The following KLHDC4 variants were observed in gnomAD, a reference collection of about 807,000 sequenced individuals.
KLHDC4 encodes kelch domain containing 4, also known as kelch domain-containing protein 4.
A neutral mutation model predicts 62.4 loss-of-function variants in KLHDC4; 90 were observed. The ratio of observed to expected loss-of-function variants is 1.44; its 90% CI spans 1.22 to 1.72. The LOEUF is 1.72. KLHDC4 is among the 40% of genes most tolerant of loss of function. The pLI is 0.00. For missense variants in KLHDC4, 1,025 were observed against 699.7 expected (o/e 1.47, Z -5.25); for synonymous variants, 386 against 284.4 (o/e 1.36, Z -3.59).
At position 87,765,966 on chromosome 16, in the gene KLHDC4, G is replaced by C. The variant is rs1166535836; in HGVS notation, c.-76C>G. 4 of 1,403,638 alleles carry C rather than the reference G, an allele frequency of 2.8e-6. No homozygotes were observed. The highest frequency in any genetic ancestry group is 1.7e-4 in the Middle Eastern group (1 of 5,766). The allele number at this position is 1,403,638 out of a possible 1,614,324, so 86.9% of individuals were successfully genotyped here. A position where few individuals can be genotyped will look rare whatever the true frequency, so the allele number is the denominator to read the frequency against. ...GCTCTCCGCTCGGAAACAGGTGCTC[G>C]TGGGGCGGAGCTCGGCGCACAGAAA... On this transcript the variant is annotated 5_prime_UTR_variant, in exon 1 of 12. Transcript: ENST00000270583.
At chr16:87,765,065 C>G (rs147914202) in intron 1 of KLHDC4, 100 of 454,506 alleles carry the variant, frequency 2.2e-4, no homozygotes, top group African/African-American at 1.5e-3. Flanking sequence ...ACGGAACTGA[C>G]CTGCTCGTGA....
Position 87,711,186 on chromosome 16 carries a change from C to T in KLHDC4, c.1044+49G>A, listed in dbSNP as rs114743882. ...GAGGAAGGCAGTGGTGGCAGGGACC[C>T]AAGTTAGGGCTGCGCACCACGGCGC... On this transcript the variant is annotated intron_variant, in intron 9 of 11. Coordinates refer to ENST00000270583, the MANE Select transcript of KLHDC4 (RefSeq NM_017566.4). 438 of 1,594,562 alleles carry T rather than the reference C, an allele frequency of 2.7e-4. 1 individual carries two copies. In the African/African-American group the frequency reaches 5.5e-3, roughly 20 times the overall value.
At chr16:87,717,824 T>C (rs764354704) in intron 7 of KLHDC4, among the ~76,000 whole-genome samples, 1 of 150,562 alleles carries the variant, frequency 6.6e-6, no homozygotes, top group African/African-American at 2.5e-5. Context: ...CTCTGTCTCC[T>C]TGTAGTACCC....
At chr16:87,708,210 A>G in intron 11 of KLHDC4, 135 bp from the exon 12 acceptor site, 2 of 634,586 alleles carry the variant, frequency 3.2e-6, no homozygotes, top group Non-Finnish European at 2.8e-6. Context: ...GGCACTCATT[A>G]GCAAGCTGCC....
chr16:87,714,663 A>T (rs2036581215), intron 7 of KLHDC4, 90 bp from the exon 8 acceptor site: 1 of 1,359,868 alleles, frequency 7.4e-7, no homozygotes, highest in East Asian at 2.3e-5. Context: ...TTTGGATGGA[A>T]GGGGCTGGAG....
chr16:87,718,167 C>T (rs992103018), intron 7 of KLHDC4, among the ~76,000 whole-genome samples: 5 of 152,216 alleles, frequency 3.3e-5, no homozygotes, highest in African/African-American at 1.2e-4. Context: ...AAGAAAGTAA[C>T]AGACAACGGC....
chr16:87,719,823 C>A (rs1294251300), intron 7 of KLHDC4, among the ~76,000 whole-genome samples: 1 of 152,184 alleles, frequency 6.6e-6, no homozygotes, highest in African/African-American at 2.4e-5. Context: ...GGAGGGTGAG[C>A]GCAACAGGGC....
chr16:87,703,004 A>T (rs2034227182), downstream of KLHDC4: 1 of 152,274 alleles, frequency 6.6e-6, no homozygotes, highest in Admixed American at 6.5e-5. Context: ...CAACACTGTC[A>T]AGATTAAAAA....
chr16:87,744,194 T>A (rs2143018216), intron 5 of KLHDC4, among the ~76,000 whole-genome samples: 1 of 151,996 alleles, frequency 6.6e-6, no homozygotes, highest in Admixed American at 6.6e-5. Flanking sequence ...GGTGGGGGGA[T>A]CACCTGAGGT....
intron 9 of KLHDC4, chr16:87,710,968 G>A (rs1055693446): frequency 9.9e-5 from 46 of 463,502 alleles, no homozygotes; most frequent in Admixed American, 3.7e-4. Flanking sequence ...ACAGAGGGCC[G>A]GGGAGGTCCC....
intron 1 of KLHDC4, 25 bp downstream of exon 1, chr16:87,765,767 G>A (rs2046572766): frequency 1.9e-6 from 3 of 1,557,454 alleles, no homozygotes; most frequent in Non-Finnish European, 2.6e-6. Context: ...ACGTCGGGCC[G>A]CTAAGCCCGG....
chr16:87,707,497 C>T (rs985192809), downstream of KLHDC4, among the ~76,000 whole-genome samples: 5 of 152,186 alleles, frequency 3.3e-5, no homozygotes, highest in Non-Finnish European at 7.3e-5. Flanking sequence ...CGGTGCTTCA[C>T]GTGAATGAGA....
rs1249398954 is a variant in KLHDC4 at position 87,724,694 on chromosome 16, C to A, written c.759+2071G>T. The stretch of plus-strand genomic sequence containing the variant: ...CTGACGCCATTGGGGCTGGTATGAA[C>A]AGGGGGCAACTGGAACTCCCCAACA... On this transcript the variant is annotated intron_variant, in intron 7 of 11. Coordinates refer to ENST00000270583, the MANE Select transcript of KLHDC4 (RefSeq NM_017566.4). Among the ~76,000 whole-genome samples, 4 of 152,162 alleles carry A rather than the reference C, an allele frequency of 2.6e-5. No homozygotes were observed. In the South Asian group the frequency reaches 8.3e-4, roughly 32 times the overall value.
At chr16:87,715,684 G>A (rs894958810) in intron 7 of KLHDC4, among the ~76,000 whole-genome samples, 2 of 152,152 alleles carry the variant, frequency 1.3e-5, no homozygotes, top group African/African-American at 2.4e-5. Flanking sequence ...GACGATCCCC[G>A]GGGTGAAGTG....
intron 6 of KLHDC4, among the ~76,000 whole-genome samples, chr16:87,728,539 T>G (rs2039775352): frequency 6.6e-6 from 1 of 152,194 alleles, no homozygotes; most frequent in Non-Finnish European, 1.5e-5. Context: ...AAAACAAACA[T>G]GAAGCATGAT....
intron 7 of KLHDC4, among the ~76,000 whole-genome samples, chr16:87,715,138 T>C (rs978718140): frequency 2.0e-5 from 3 of 152,224 alleles, no homozygotes; most frequent in African/African-American, 7.2e-5. Context: ...CTACAAGTCC[T>C]GGTGCCACAC....
downstream of KLHDC4, among the ~76,000 whole-genome samples, chr16:87,706,968 A>G (rs2034814282): frequency 6.6e-6 from 1 of 152,148 alleles, no homozygotes; most frequent in Admixed American, 6.5e-5. Context: ...CCAGGAGGGA[A>G]GTCTCCCCAC....
At chr16:87,708,508 G>GACGTGT in intron 10 of KLHDC4, 42 bp from the exon 11 acceptor site, 3 of 1,495,016 alleles carry the variant, frequency 2.0e-6, no homozygotes, top group Non-Finnish European at 2.7e-6. Context: ...CAGCGCAGCT[G>GACGTGT]AGGCAGGTGG....
chr16:87,736,031 C>A (rs985645953), intron 5 of KLHDC4, among the ~76,000 whole-genome samples: 1 of 152,252 alleles, frequency 6.6e-6, no homozygotes, highest in African/African-American at 2.4e-5. Flanking sequence ...CTACACCTTA[C>A]AAAATTATAC....
Sources: allele counts gnomAD v4.1 joint callset (sites outside exome capture counted in the v4.1 genomes callset), GRCh38; gene constraint gnomAD v4.1.1; transcripts MANE v1.5; gene names NCBI Gene and HGNC (gene_info 2026-07-23, HGNC 2026-07-21).